Variants in MAML3 observed in about 807,000 individuals in gnomAD.
MAML3 encodes the protein mastermind like transcriptional coactivator 3, also known as mastermind-like protein 3.
A neutral mutation model predicts 101.9 loss-of-function variants in MAML3; 27 were observed. That is an observed-to-expected ratio of 0.27 (90% CI 0.20 to 0.37). MAML3 has a LOEUF of 0.37. MAML3 is among the 10% of genes least tolerant of loss of function. The pLI, the probability that MAML3 is intolerant of heterozygous loss-of-function variation, is 1.00. For missense variants in MAML3, 1,316 were observed against 1,444.9 expected (o/e 0.91, Z 1.45); for synonymous variants, 501 against 555.9 (o/e 0.90, Z 1.39).
At chr4:139,781,761 A>C (rs1730219952) in intron 2 of MAML3, among the ~76,000 whole-genome samples, 1 of 152,156 alleles carries the variant, frequency 6.6e-6, no homozygotes, top group Non-Finnish European at 1.5e-5. Flanking sequence ...TGGTTTCAAC[A>C]CCAGCCATCT....
At chr4:140,028,001 T>G (rs1726852810) in intron 1 of MAML3, among the ~76,000 whole-genome samples, 3 of 152,208 alleles carry the variant, frequency 2.0e-5, no homozygotes, top group African/African-American at 7.2e-5. Flanking sequence ...CTCTCAAATG[T>G]TCTAGTATTT....
At chr4:139,746,328 A>C (rs1375898863) in intron 2 of MAML3, among the ~76,000 whole-genome samples, 1 of 152,264 alleles carries the variant, frequency 6.6e-6, no homozygotes, top group Admixed American at 6.5e-5. Flanking sequence ...GGACTGTTGA[A>C]AATTTATGAT....
rs533235825 is a variant in MAML3, at chr4:140,041,537, G to A, written c.468+111323C>T. On this transcript the variant is annotated intron_variant, in intron 1 of 4. Transcript: ENST00000509479. ...TGCTCGGGAGGCTAAGGCAGACCAG[G>A]TTGAAGCTGGGAGGCAGAGGTTGCA... 2.9e-3 allele frequency among the ~76,000 whole-genome samples: 448 copies of A among 152,196 alleles called. 1 individual carries two copies. Among genetic ancestry groups the A allele is most frequent in the African/African-American group, 0.01 (417 of 41,520 alleles).
intron 2 of MAML3, among the ~76,000 whole-genome samples, chr4:139,850,582 G>A (rs1731530230): frequency 6.6e-6 from 1 of 151,464 alleles, no homozygotes; most frequent in African/African-American, 2.4e-5. Context: ...TGCCTATGCT[G>A]GAGTGCAGTG....
chr4:139,789,396 T>C (rs997660152), intron 2 of MAML3, among the ~76,000 whole-genome samples: 2 of 151,270 alleles, frequency 1.3e-5, no homozygotes, highest in Non-Finnish European at 2.9e-5. Context: ...GGAAGAAGAG[T>C]AGTATTTCAC....
chr4:140,087,918 A>C (rs1727984115), intron 1 of MAML3, among the ~76,000 whole-genome samples: 1 of 152,224 alleles, frequency 6.6e-6, no homozygotes, highest in Non-Finnish European at 1.5e-5. Context: ...TAGCCTTCTG[A>C]AAATGAGTAA....
chr4:140,059,170 A>G (rs1305397123), intron 1 of MAML3, among the ~76,000 whole-genome samples: 2 of 152,256 alleles, frequency 1.3e-5, no homozygotes, highest in Admixed American at 6.5e-5. Context: ...GCAAAGAAAC[A>G]GGTACCTTTA....
intron 1 of MAML3, among the ~76,000 whole-genome samples, chr4:140,104,408 A>ATATATT (rs368174569): frequency 3.9e-3 from 211 of 54,666 alleles, no homozygotes; most frequent in Admixed American, 5.5e-3. Flanking sequence ...TATAATATAT[A>ATATATT]ATATAATATA....
intron 1 of MAML3, among the ~76,000 whole-genome samples, chr4:140,129,602 C>T (rs140862282): frequency 6.6e-6 from 1 of 152,198 alleles, no homozygotes; most frequent in East Asian, 1.9e-4. Flanking sequence ...AAAGGAAGAA[C>T]AGAAATTTTC....
intron 2 of MAML3, among the ~76,000 whole-genome samples, chr4:139,885,740 G>A (rs1051063701): frequency 6.9e-6 from 1 of 145,976 alleles, no homozygotes; most frequent in Non-Finnish European, 1.5e-5. Context: ...TGGCTAACAC[G>A]GTGAAACCCT....
chr4:139,801,643 G>GTGTGTGTGTGTGTGTGT (rs1560798508), intron 2 of MAML3, among the ~76,000 whole-genome samples: 36 of 30,770 alleles, frequency 1.2e-3, no homozygotes, highest in African/African-American at 3.0e-3. Context: ...GGTGTGTGTG[G>GTGTGTGTGTGTGTGTGT]GTGTGTGTGT....
chr4:140,039,835 G>A (rs1430721350), intron 1 of MAML3, among the ~76,000 whole-genome samples: 3 of 152,186 alleles, frequency 2.0e-5, no homozygotes, highest in African/African-American at 7.2e-5. Flanking sequence ...TAGGAGCAAA[G>A]ATACTCTATT....
chr4:139,894,010 T>C (rs1460852217), intron 1 of MAML3, among the ~76,000 whole-genome samples: 1 of 152,044 alleles, frequency 6.6e-6, no homozygotes, highest in Non-Finnish European at 1.5e-5. Context: ...TCGGGTACTC[T>C]CTTATTCTTG....
intron 2 of MAML3, among the ~76,000 whole-genome samples, chr4:139,857,968 G>A (rs2111162219): frequency 6.6e-6 from 1 of 152,272 alleles, no homozygotes; most frequent in Non-Finnish European, 1.5e-5. Flanking sequence ...GGTCTGACGA[G>A]TGCAGTCACA....
At chr4:140,039,534 C>A (rs80091890) in intron 1 of MAML3, among the ~76,000 whole-genome samples, 31 of 152,162 alleles carry the variant, frequency 2.0e-4, no homozygotes, top group African/African-American at 7.2e-4. Context: ...GTCTCCTCTC[C>A]CAGAGGCTTT....
At chr4:140,004,324 C>T (rs945637153) in intron 1 of MAML3, among the ~76,000 whole-genome samples, 1 of 152,150 alleles carries the variant, frequency 6.6e-6, no homozygotes, top group African/African-American at 2.4e-5. Flanking sequence ...CATTTACCCC[C>T]ACTCCCCTAG....
intron 2 of MAML3, among the ~76,000 whole-genome samples, chr4:139,885,645 C>T (rs534261891): frequency 3.3e-5 from 5 of 151,242 alleles, no homozygotes; most frequent in East Asian, 3.9e-4. Context: ...AAAAGTAGGC[C>T]GGGCGCCGTG....
At chr4:139,820,534 T>G (rs149257177) in intron 2 of MAML3, among the ~76,000 whole-genome samples, 1,536 of 152,312 alleles carry the variant, frequency 0.01, 12 homozygotes, top group African/African-American at 0.021. Flanking sequence ...TCATTTAGAT[T>G]CAGACTTAGT....
intron 1 of MAML3, among the ~76,000 whole-genome samples, chr4:139,997,851 T>G (rs1734846296): frequency 6.6e-6 from 1 of 152,164 alleles, no homozygotes; most frequent in African/African-American, 2.4e-5. Context: ...CTGATATCTT[T>G]TTCTTTTAGT....
Sources: allele counts gnomAD v4.1 joint callset (sites outside exome capture counted in the v4.1 genomes callset), GRCh38; gene constraint gnomAD v4.1.1; transcripts MANE v1.5; gene names NCBI Gene and HGNC (gene_info 2026-07-23, HGNC 2026-07-21).